CTNNA3: variants seen among roughly 807,000 people sequenced by gnomAD.
CTNNA3 encodes catenin alpha-3.
CTNNA3 carries 76 observed loss-of-function variants against 95.7 expected under a neutral mutation model. The ratio of observed to expected loss-of-function variants is 0.79; its 90% CI spans 0.66 to 0.96. The LOEUF is 0.96. Ranked by LOEUF, CTNNA3 falls within the 40% of genes least tolerant of loss-of-function variation. CTNNA3 has a pLI of 0.00. For synonymous variants in CTNNA3, 431 were observed against 374.4 expected, an observed-to-expected ratio of 1.15 and a Z score of -1.74; for missense variants, 1,191 against 1,089.8, an observed-to-expected ratio of 1.09 and a Z score of -1.31.
intron 5 of CTNNA3, among the ~76,000 whole-genome samples, chr10:67,263,450 T>C (rs1229008842): frequency 6.6e-6 from 1 of 152,170 alleles, no homozygotes; most frequent in African/African-American, 2.4e-5. Flanking sequence ...ATCTTTTCCT[T>C]TGATATGACA....
chr10:66,193,721 A>G (rs897734038), intron 13 of CTNNA3, among the ~76,000 whole-genome samples: 2 of 152,168 alleles, frequency 1.3e-5, no homozygotes, highest in East Asian at 3.9e-4. Flanking sequence ...GCTTTATTTC[A>G]TACTTCCTAG....
intron 3 of CTNNA3, among the ~76,000 whole-genome samples, chr10:67,601,587 G>T (rs1022296341): frequency 5.3e-5 from 8 of 152,074 alleles, no homozygotes; most frequent in African/African-American, 1.9e-4. Context: ...AGATTTTAGG[G>T]TAATAGAAAC....
At chr10:66,153,989 G>C (rs963177716) in intron 13 of CTNNA3, among the ~76,000 whole-genome samples, 3 of 151,646 alleles carry the variant, frequency 2.0e-5, no homozygotes, top group Admixed American at 6.6e-5. Flanking sequence ...ACCAGAAATG[G>C]AACTTTTAGT....
At chr10:66,840,343 C>CTG in intron 7 of CTNNA3, among the ~76,000 whole-genome samples, 1 of 119,086 alleles carries the variant, frequency 8.4e-6, no homozygotes, top group East Asian at 2.4e-4. Flanking sequence ...CTCTCTCTCT[C>CTG]TCTCTCTCTC....
At chr10:67,197,562 G>A (rs1863436918) in intron 6 of CTNNA3, among the ~76,000 whole-genome samples, 1 of 152,066 alleles carries the variant, frequency 6.6e-6, no homozygotes, top group South Asian at 2.1e-4. Context: ...TGACTGCTGG[G>A]TGGTGACAGT....
At chr10:65,991,051 G>T (rs77713384) in intron 15 of CTNNA3, among the ~76,000 whole-genome samples, 6,162 of 152,096 alleles carry the variant, frequency 0.041, 413 homozygotes, top group African/African-American at 0.14. Context: ...TCCCACCTTT[G>T]TCGAAAACCA....
intron 1 of CTNNA3, among the ~76,000 whole-genome samples, chr10:67,726,426 T>A (rs370592239): frequency 3.0e-4 from 9 of 29,520 alleles, no homozygotes; most frequent in Non-Finnish European, 4.0e-4. Flanking sequence ...ATATTATATA[T>A]TATATCATAT....
At chr10:67,661,490 T>C (rs574257872) in intron 1 of CTNNA3, among the ~76,000 whole-genome samples, 1 of 152,266 alleles carries the variant, frequency 6.6e-6, no homozygotes, top group East Asian at 1.9e-4. Context: ...AAAATCATTG[T>C]AACCTTGGCA....
chr10:67,654,734 C>T (rs1247090666), intron 1 of CTNNA3, among the ~76,000 whole-genome samples: 6 of 152,106 alleles, frequency 3.9e-5, no homozygotes, highest in Non-Finnish European at 5.9e-5. Flanking sequence ...AAATCTGGAC[C>T]AGTAAAGTTA....
intron 5 of CTNNA3, among the ~76,000 whole-genome samples, chr10:67,353,406 C>G (rs186104721): frequency 8.4e-4 from 128 of 152,072 alleles, no homozygotes; most frequent in African/African-American, 3.0e-3. Flanking sequence ...ACTCCCTAAA[C>G]TTTAATTCAG....
chr10:66,420,938 GTA>G (rs376682790), intron 11 of CTNNA3, among the ~76,000 whole-genome samples: 21 of 152,210 alleles, frequency 1.4e-4, no homozygotes, highest in African/African-American at 4.8e-4. Context: ...AAAGAAATCG[GTA>G]TATCAAAGGG....
chr10:67,672,045 C>T (rs564011344), intron 1 of CTNNA3, among the ~76,000 whole-genome samples: 20 of 152,122 alleles, frequency 1.3e-4, no homozygotes, highest in Admixed American at 6.5e-4. Flanking sequence ...TTTTGATGAT[C>T]GCCATTCTAA....
chr10:66,420,713 C>T (rs112258277), intron 11 of CTNNA3, among the ~76,000 whole-genome samples: 5,254 of 151,794 alleles, frequency 0.035, 308 homozygotes, highest in African/African-American at 0.12. Context: ...GCAGGAGAAT[C>T]GCTTGAACTG....
intron 11 of CTNNA3, among the ~76,000 whole-genome samples, chr10:66,493,129 G>C (rs1292820160): frequency 6.6e-6 from 1 of 152,086 alleles, no homozygotes; most frequent in Non-Finnish European, 1.5e-5. Context: ...AAGGAGACAG[G>C]AATGAGACAA....
intron 5 of CTNNA3, among the ~76,000 whole-genome samples, chr10:67,385,561 G>C (rs969503790): frequency 1.1e-4 from 16 of 152,122 alleles, no homozygotes; most frequent in Non-Finnish European, 2.9e-5. Context: ...TGTTACCTTT[G>C]ATTGTACAAA....
At chr10:66,964,803 C>G (rs1279131169) in intron 7 of CTNNA3, among the ~76,000 whole-genome samples, 1 of 152,192 alleles carries the variant, frequency 6.6e-6, no homozygotes, top group Non-Finnish European at 1.5e-5. Context: ...GAGAGGCAGA[C>G]TGCAAACCCA....
In CTNNA3 at chr10:66,103,268, A is replaced by G. The variant is rs113615377; in HGVS notation, c.1885-19T>C. The G allele has an allele frequency of 4.4e-6, 7 of 1,573,608 alleles. No homozygotes were observed. The African/African-American group carries it at 5.4e-5, about 12-fold the overall frequency. ...CTGGGGTCTATAAAAAGAAAGCAAA[A>G]CATTGCTAGTGGGAATGTAAAAGCA... On this transcript the variant is annotated intron_variant, in intron 13 of 17. Transcript: ENST00000433211.
chr10:66,218,117 T>A (rs1464245986), intron 13 of CTNNA3, among the ~76,000 whole-genome samples: 2 of 152,200 alleles, frequency 1.3e-5, no homozygotes, highest in Non-Finnish European at 2.9e-5. Context: ...CTTTCCTTTT[T>A]TCTTTTCACC....
chr10:66,374,878 G>C (rs1048425395), intron 12 of CTNNA3, among the ~76,000 whole-genome samples: 2 of 151,950 alleles, frequency 1.3e-5, no homozygotes, highest in African/African-American at 2.4e-5. Flanking sequence ...GCCTCCAAAA[G>C]TGCTGGGATT....
Sources: gnomAD v4.1 joint callset for allele counts (sites outside exome capture counted in the v4.1 genomes callset) on GRCh38, gnomAD v4.1.1 for gene constraint, MANE v1.5 for transcripts, NCBI Gene and HGNC (gene_info 2026-07-23, HGNC 2026-07-21) for gene names.